The following ORC5 variants were observed in gnomAD, a reference collection of about 807,000 sequenced individuals.
ORC5 encodes the protein protein phosphatase 1, regulatory subunit 117.
In ORC5, 39 loss-of-function variants were observed where a neutral mutation model predicts 58.8. The ratio of observed to expected loss-of-function variants is 0.66; its 90% CI spans 0.51 to 0.87. The LOEUF (loss-of-function observed/expected upper bound fraction) is 0.87. Ranked by LOEUF, ORC5 falls within the 40% of genes least tolerant of loss-of-function variation. ORC5 has a pLI of 0.00. For missense variants in ORC5, 493 were observed against 506.3 expected, an observed-to-expected ratio of 0.97 and a Z score of 0.25; for synonymous variants, 218 against 177.6, an observed-to-expected ratio of 1.23 and a Z score of -1.81.
chr7:104,163,114 C>T (rs1441382112), intron 11 of ORC5, among the ~76,000 whole-genome samples: 1 of 152,164 alleles, frequency 6.6e-6, no homozygotes, highest in Non-Finnish European at 1.5e-5. Flanking sequence ...GTACATTTCT[C>T]CTTGTGCACA....
At chr7:104,200,152 AT>A (rs1489752860) in intron 3 of ORC5, among the ~76,000 whole-genome samples, 9 of 152,128 alleles carry the variant, frequency 5.9e-5, no homozygotes, top group African/African-American at 9.7e-5. Context: ...TTCTTATCCA[AT>A]TCCAAAGATG....
intron 5 of ORC5, among the ~76,000 whole-genome samples, chr7:104,190,718 T>C (rs1799655907): frequency 6.6e-6 from 1 of 151,922 alleles, no homozygotes; most frequent in African/African-American, 2.4e-5. Context: ...TAAGAGCTCT[T>C]TGCATATGAC....
At chr7:104,201,701 T>C (rs1330696978) in intron 2 of ORC5, among the ~76,000 whole-genome samples, 5 of 150,898 alleles carry the variant, frequency 3.3e-5, no homozygotes, top group Non-Finnish European at 2.9e-5. Flanking sequence ...TTCACACTTA[T>C]AACTTTAATA....
intron 5 of ORC5, among the ~76,000 whole-genome samples, chr7:104,193,894 T>C (rs2116043469): frequency 6.6e-6 from 1 of 151,872 alleles, no homozygotes; most frequent in South Asian, 2.1e-4. Flanking sequence ...GCTTTGTATC[T>C]TTACTTTTTA....
chr7:104,197,164 A>G (rs377070212), intron 4 of ORC5, among the ~76,000 whole-genome samples: 1 of 152,138 alleles, frequency 6.6e-6, no homozygotes, highest in Non-Finnish European at 1.5e-5. Context: ...TTTCCTCAAC[A>G]ATGTTATAAT....
At chr7:104,148,719 C>A (rs956000369) in intron 12 of ORC5, among the ~76,000 whole-genome samples, 6 of 152,094 alleles carry the variant, frequency 3.9e-5, no homozygotes, top group Admixed American at 2.6e-4. Flanking sequence ...CATTAAATTG[C>A]TGTTTTTAAG....
rs527725023 is a variant in ORC5 at position 104,191,427 on chromosome 7, C to A, written c.554-3046G>T. 1.5e-3 allele frequency among the ~76,000 whole-genome samples: 233 copies of A among 152,144 alleles called. 1 individual carries two copies. The highest frequency in any genetic ancestry group is 5.3e-3 in the African/African-American group (222 of 41,534). On this transcript the variant is annotated intron_variant, in intron 5 of 13. Transcript: ENST00000297431. ...TCTATAAATGAATGGCTAAGAAAAT[C>A]TGGAAAACAGTTGAGTCTCCAGCTC...
chr7:104,177,734 C>T (rs188046335), intron 8 of ORC5, among the ~76,000 whole-genome samples: 1 of 152,222 alleles, frequency 6.6e-6, no homozygotes, highest in African/African-American at 2.4e-5. Context: ...TGCCCTCCAC[C>T]CCGCAAAAGG....
rs765213812 is a variant in ORC5 at position 104,188,391 on chromosome 7, G to A, written c.554-10C>T. On this transcript the variant is annotated splice_polypyrimidine_tract_variant and intron_variant, in intron 5 of 13. Transcript: ENST00000297431. ...ATCTTTTGAAGGTTGCCTGTTCACA[G>A]GACACAAAATAACTTATAATGATTA... is the stretch of plus-strand genomic sequence containing the variant. 2 of 1,601,720 alleles carry A rather than the reference G, an allele frequency of 1.2e-6. No individual in the cohort carries two copies. Among genetic ancestry groups the A allele is most frequent in the Middle Eastern group, 1.7e-4 (1 of 6,032 alleles).
chr7:104,179,226 T>C (rs1799385732), intron 8 of ORC5, among the ~76,000 whole-genome samples: 1 of 151,810 alleles, frequency 6.6e-6, no homozygotes. Flanking sequence ...TGGAATTATA[T>C]GTGTGAAGCA....
At chr7:104,154,274 T>C (rs904857812) in intron 12 of ORC5, among the ~76,000 whole-genome samples, 3 of 152,052 alleles carry the variant, frequency 2.0e-5, no homozygotes, top group African/African-American at 7.2e-5. Context: ...ATATCAATCA[T>C]TGCTTCAAAC....
At chr7:104,141,889 A>G (rs1798679499) in intron 12 of ORC5, among the ~76,000 whole-genome samples, 1 of 152,180 alleles carries the variant, frequency 6.6e-6, no homozygotes, top group South Asian at 2.1e-4. Context: ...TAAAATGTCC[A>G]TACTACCCAA....
Position 104,197,818 on chromosome 7 carries a change from CAAAACA to C in ORC5, c.367-25_367-20del. Reference sequence around the variant, plus strand: ...CTAGAACCTTTAAAAAACAAAAAAACAAAACAAAAAGAAATGCATTTACAAAGCCTT... The same window carrying C: ...CTAGAACCTTTAAAAAACAAAAAAACAAAAGAAATGCATTTACAAAGCCTT... On this transcript the variant is annotated intron_variant, in intron 3 of 13. Coordinates refer to ENST00000297431, the MANE Select transcript of ORC5 (RefSeq NM_002553.4). The C allele has an allele frequency of 6.8e-7, 1 of 1,467,640 alleles. No individual in the cohort carries two copies. The highest frequency in any genetic ancestry group is 1.4e-5 in the African/African-American group (1 of 69,612). 90.9% of individuals were successfully genotyped at this position (1,467,640 alleles called of 1,614,324 possible).
At chr7:104,145,298 C>A (rs1172378366) in intron 12 of ORC5, among the ~76,000 whole-genome samples, 1 of 152,168 alleles carries the variant, frequency 6.6e-6, no homozygotes. Context: ...AGATACACAA[C>A]AGTCATTCCT....
intron 12 of ORC5, among the ~76,000 whole-genome samples, chr7:104,150,768 G>A (rs1203349868): frequency 6.6e-6 from 1 of 152,152 alleles, no homozygotes; most frequent in Non-Finnish European, 1.5e-5. Context: ...TTCATGGATG[G>A]CATTGTGCAA....
At chr7:104,128,555 G>A (rs935589129) in intron 13 of ORC5, among the ~76,000 whole-genome samples, 1 of 151,592 alleles carries the variant, frequency 6.6e-6, no homozygotes, top group African/African-American at 2.4e-5. Flanking sequence ...TTAAGTTTTA[G>A]GGTACATGTG....
At position 104,131,435 on chromosome 7, in the gene ORC5, C is replaced by T. The variant is rs370971953; in HGVS notation, c.1263-4542G>A. On this transcript the variant is annotated intron_variant, in intron 13 of 13. Transcript: ENST00000297431. ...TTTTGTGCTTTAAATTAATCTTTCT[C>T]CATTTTGTATCATTAACTCTCCTTC... Among the ~76,000 whole-genome samples the T allele has an allele frequency of 2.3e-4, 35 of 152,286 alleles. 1 individual carries two copies. Among genetic ancestry groups the T allele is most frequent in the African/African-American group, 8.2e-4 (34 of 41,558 alleles).
At chr7:104,147,730 G>C (rs992639275) in intron 12 of ORC5, among the ~76,000 whole-genome samples, 1 of 152,136 alleles carries the variant, frequency 6.6e-6, no homozygotes, top group East Asian at 1.9e-4. Context: ...ACATTTCAGA[G>C]TTGTAACAAC....
chr7:104,144,422 T>C (rs1008814744), intron 12 of ORC5, among the ~76,000 whole-genome samples: 1 of 152,188 alleles, frequency 6.6e-6, no homozygotes, highest in African/African-American at 2.4e-5. Context: ...TCCAACTATA[T>C]ATCCATGAAA....
Sources: gnomAD v4.1 joint callset for allele counts (sites outside exome capture counted in the v4.1 genomes callset) on GRCh38, gnomAD v4.1.1 for gene constraint, MANE v1.5 for transcripts, NCBI Gene and HGNC (gene_info 2026-07-23, HGNC 2026-07-21) for gene names.